The following GRIK1 variants were observed in gnomAD, a reference collection of about 807,000 sequenced individuals.
The protein encoded by GRIK1 is glutamate ionotropic receptor kainate type subunit 1.
A neutral mutation model predicts 105.7 loss-of-function variants in GRIK1; 69 were observed. The observed-to-expected ratio is 0.65, with a 90% CI of 0.54 to 0.80. The LOEUF is 0.80. Among genes scored for constraint, GRIK1 ranks in the 30% least tolerant of loss-of-function variants. The probability of loss-of-function intolerance (pLI) is 0.00; values close to 1 mark genes in which losing one functional copy is unlikely to be tolerated. For synonymous variants in GRIK1, 438 were observed against 431.3 expected, an observed-to-expected ratio of 1.02 and a Z score of -0.19; for missense variants, 1,109 against 1,167.3, an observed-to-expected ratio of 0.95 and a Z score of 0.73.
At chr21:29,588,001 G>A (rs1429758812) in intron 11 of GRIK1, among the ~76,000 whole-genome samples, 2 of 97,526 alleles carry the variant, frequency 2.1e-5, no homozygotes, top group African/African-American at 4.5e-5. Flanking sequence ...GTGAGGCGGA[G>A]TCTCACTCTG....
At chr21:29,896,930 C>T (rs1015019730) in intron 1 of GRIK1, among the ~76,000 whole-genome samples, 1 of 152,166 alleles carries the variant, frequency 6.6e-6, no homozygotes, top group African/African-American at 2.4e-5. Context: ...GTCAAGGGCA[C>T]TTTGTAGCTC....
intron 1 of GRIK1, among the ~76,000 whole-genome samples, chr21:29,928,423 A>T (rs1265953397): frequency 6.6e-6 from 1 of 152,302 alleles, no homozygotes; most frequent in South Asian, 2.1e-4. Context: ...GGAGGACAAT[A>T]AAATCCCTTA....
intron 1 of GRIK1, among the ~76,000 whole-genome samples, chr21:29,890,576 T>C (rs1368440540): frequency 6.6e-6 from 1 of 152,098 alleles, no homozygotes; most frequent in Non-Finnish European, 1.5e-5. Flanking sequence ...ATTCTGAAGA[T>C]ATAATAACAC....
At chr21:29,712,504 G>A (rs1014161641) in intron 1 of GRIK1, among the ~76,000 whole-genome samples, 1 of 151,892 alleles carries the variant, frequency 6.6e-6, no homozygotes, top group East Asian at 1.9e-4. Context: ...CCTACCACGA[G>A]TGTATGAAAG....
intron 7 of GRIK1, among the ~76,000 whole-genome samples, chr21:29,616,101 C>T (rs749903299): frequency 6.6e-6 from 1 of 152,162 alleles, no homozygotes; most frequent in South Asian, 2.1e-4. Flanking sequence ...ACTGCACTTT[C>T]GAAAGTTAAA....
intron 1 of GRIK1, among the ~76,000 whole-genome samples, chr21:29,885,260 TA>T (rs1290831676): frequency 1.3e-5 from 2 of 152,052 alleles, no homozygotes; most frequent in African/African-American, 4.8e-5. Context: ...GTTGTATGGT[TA>T]AATAGTCTTC....
intron 1 of GRIK1, among the ~76,000 whole-genome samples, chr21:29,709,501 G>C (rs994943949): frequency 2.0e-5 from 3 of 151,930 alleles, no homozygotes; most frequent in Admixed American, 6.6e-5. Flanking sequence ...GGCTGGTCTC[G>C]AACTCCTGAC....
intron 1 of GRIK1, among the ~76,000 whole-genome samples, chr21:29,795,146 C>T (rs1002335231): frequency 6.8e-6 from 1 of 147,096 alleles, no homozygotes; most frequent in Non-Finnish European, 1.5e-5. Context: ...AGTGATTGTC[C>T]TGCCTCAGCC....
intron 1 of GRIK1, among the ~76,000 whole-genome samples, chr21:29,717,440 G>A (rs74370479): frequency 0.043 from 6,547 of 152,324 alleles, 204 homozygotes; most frequent in Non-Finnish European, 0.066. Context: ...CAAAGCCAGA[G>A]GGGCAAGTTA....
chr21:29,632,002 C>A (rs753967736), intron 7 of GRIK1, among the ~76,000 whole-genome samples: 146 of 151,830 alleles, frequency 9.6e-4, no homozygotes, highest in Non-Finnish European at 1.5e-3. Context: ...AAAGAGGCAG[C>A]CAAAATATCC....
intron 1 of GRIK1, among the ~76,000 whole-genome samples, chr21:29,914,052 T>C (rs887757514): frequency 1.1e-4 from 17 of 152,160 alleles, no homozygotes; most frequent in African/African-American, 4.1e-4. Flanking sequence ...ATCTTGGCTA[T>C]TGATAGTTTA....
intron 1 of GRIK1, among the ~76,000 whole-genome samples, chr21:29,729,459 G>A (rs1375803838): frequency 6.6e-6 from 1 of 152,168 alleles, no homozygotes; most frequent in African/African-American, 2.4e-5. Context: ...TGTGGTGTTT[G>A]TCATATTCAG....
At chr21:29,686,430 G>C (rs894361080) in intron 3 of GRIK1, among the ~76,000 whole-genome samples, 1 of 152,188 alleles carries the variant, frequency 6.6e-6, no homozygotes, top group African/African-American at 2.4e-5. Flanking sequence ...AGAAGGGCAT[G>C]AAAACCCAGA....
At chr21:29,603,345 A>G (rs1159989214) in intron 7 of GRIK1, among the ~76,000 whole-genome samples, 1 of 151,998 alleles carries the variant, frequency 6.6e-6, no homozygotes, top group East Asian at 1.9e-4. Context: ...AACACATAAA[A>G]AGAAATACTT....
At chr21:29,710,987 C>T (rs925346465) in intron 1 of GRIK1, among the ~76,000 whole-genome samples, 5 of 151,822 alleles carry the variant, frequency 3.3e-5, no homozygotes, top group African/African-American at 1.2e-4. Flanking sequence ...TTTTAATTCA[C>T]TTATTTGGTT....
At chr21:29,610,375 G>A (rs1226169301) in intron 7 of GRIK1, among the ~76,000 whole-genome samples, 1 of 152,140 alleles carries the variant, frequency 6.6e-6, no homozygotes, top group Non-Finnish European at 1.5e-5. Flanking sequence ...CGGATTATCT[G>A]GGTGGGCCTA....
chr21:29,804,758 G>A (rs1439322074), intron 1 of GRIK1, among the ~76,000 whole-genome samples: 1 of 152,130 alleles, frequency 6.6e-6, no homozygotes, highest in Non-Finnish European at 1.5e-5. Flanking sequence ...GCAAATGCCA[G>A]TTTGTGTGTG....
At chr21:29,588,616 T>C (rs760352063) in intron 11 of GRIK1, among the ~76,000 whole-genome samples, 4 of 152,206 alleles carry the variant, frequency 2.6e-5, no homozygotes, top group African/African-American at 4.8e-5. Flanking sequence ...AAGTTCTTTA[T>C]AGCAGTGTAA....
chr21:29,683,542 A>G (rs2063422223), intron 3 of GRIK1, among the ~76,000 whole-genome samples: 1 of 152,192 alleles, frequency 6.6e-6, no homozygotes, highest in African/African-American at 2.4e-5. Context: ...CCAAATACCC[A>G]TGATCTTACT....
Sources: allele counts gnomAD v4.1 joint callset (sites outside exome capture counted in the v4.1 genomes callset), GRCh38; gene constraint gnomAD v4.1.1; transcripts MANE v1.5; gene names NCBI Gene and HGNC (gene_info 2026-07-23, HGNC 2026-07-21).